The following ABCG5 variants were observed in gnomAD, a reference collection of about 807,000 sequenced individuals.
ABCG5 encodes the protein ATP-binding cassette sub-family G member 5.
In ABCG5, 64 loss-of-function variants were observed where a neutral mutation model predicts 64.5. The observed-to-expected ratio is 0.99, with a 90% CI of 0.81 to 1.22. The LOEUF (loss-of-function observed/expected upper bound fraction) is 1.22. Among genes scored for constraint, ABCG5 ranks in the 50% most tolerant of loss-of-function variants. The pLI is 0.00. For missense variants in ABCG5, 908 were observed against 829.5 expected (o/e 1.09, Z -1.16); for synonymous variants, 385 against 326.3 (o/e 1.18, Z -1.94).
rs2278356 is a variant in ABCG5, at chr2:43,812,736, A to G, written c.*380T>C. On this transcript the variant is annotated 3_prime_UTR_variant, in exon 13 of 13. Transcript: ENST00000405322. The stretch of plus-strand genomic sequence containing the variant: ...ACTTATGGTCAGGAATCCTTGAAAC[A>G]TTTTATTTTTGCCTAATCCTTTATC... 5.1e-6 allele frequency: 1 copy of G among 197,658 alleles called. No homozygotes were observed. Among genetic ancestry groups the G allele is most frequent in the African/African-American group, 2.4e-5 (1 of 42,240 alleles). The allele number at this position is 197,658 out of a possible 1,614,324, so 12.2% of individuals were successfully genotyped here.
In ABCG5 at chr2:43,831,883, G is replaced by A. The variant is rs1331671220; in HGVS notation, c.403-16C>T. The A allele has an allele frequency of 6.4e-7, 1 of 1,560,976 alleles. No individual in the cohort carries two copies. ...GGGTGTCGCTCTGCAGGAGACTCGG[G>A]CGTCAGTGTAGCCTAAGCCCCCGGG... On this transcript the variant is annotated splice_polypyrimidine_tract_variant and intron_variant, in intron 3 of 12. Coordinates refer to ENST00000405322, the MANE Select transcript of ABCG5 (RefSeq NM_022436.3).
chr2:43,838,436 G>C lies in ABCG5; in HGVS notation c.143+101C>G. On this transcript the variant is annotated intron_variant, in intron 1 of 12. Transcript: ENST00000405322. This position sits in a 1 kb window ranked among gnomAD's most constrained non-coding sequence, Gnocchi z 4.2. ...CGATCCACTAAAGAGGGAGCCCGAA[G>C]TGCCCAGACTGGCACTTAAAGAGTG... 1 of 1,195,368 alleles carries C rather than the reference G, an allele frequency of 8.4e-7. No individual in the cohort carries two copies. 74.0% of individuals were successfully genotyped at this position (1,195,368 alleles called of 1,614,324 possible).
In ABCG5 at chr2:43,838,554, A is replaced by G. The variant is rs1195869739; in HGVS notation, c.126T>C (p.His42=). The stretch of plus-strand genomic sequence containing the variant: ...TGCCTTACCTGACGCTGTAGGAGGC[A>G]TGGAGGATGCCCAGGCTGTGAGGCT... ...APEPHSLGIL[H]ASYSVSHRVR... Residue 42 remains histidine, a synonymous_variant, in exon 1 of 13, where the codon CAT becomes CAC. Transcript: ENST00000405322. This position sits in a 1 kb window ranked among gnomAD's most constrained non-coding sequence, Gnocchi z 4.2. The G allele has an allele frequency of 1.9e-6, 3 of 1,606,814 alleles. No individual in the cohort carries two copies. Among genetic ancestry groups the G allele is most frequent in the Non-Finnish European group, 2.5e-6 (3 of 1,177,340 alleles).
At chr2:43,810,603 C>A, downstream of ABCG5, 1 of 833,654 alleles carries the variant, frequency 1.2e-6, no homozygotes, top group Non-Finnish European at 1.4e-6. Context: ...TGACTCCCAG[C>A]TTCAGATAAG....
intron 4 of ABCG5, chr2:43,828,469 CTACA>C: frequency 6.5e-6 from 1 of 153,960 alleles, no homozygotes; most frequent in Non-Finnish European, 1.1e-5. Context: ...GACCCTGTCT[CTACA>C]AAAAAAAAAA....
intron 2 of ABCG5, among the ~76,000 whole-genome samples, chr2:43,836,516 AGT>A: frequency 6.6e-6 from 1 of 152,348 alleles, no homozygotes; most frequent in East Asian, 1.9e-4. Flanking sequence ...ATGGTAATCC[AGT>A]GTAGCAGACA....
upstream of ABCG5, chr2:43,838,853 C>G (rs1044098299): frequency 7.7e-7 from 1 of 1,299,698 alleles, no homozygotes; most frequent in Non-Finnish European, 1.1e-6. The surrounding 1 kb of genome is among the most constrained non-coding windows in gnomAD (Gnocchi z 4.2). Flanking sequence ...GTACCTTTAG[C>G]CAGCGCGTCC....
intron 5 of ABCG5, among the ~76,000 whole-genome samples, chr2:43,827,017 T>C (rs1022550925): frequency 1.3e-5 from 2 of 152,158 alleles, no homozygotes; most frequent in Non-Finnish European, 2.9e-5. Context: ...TAAAGTAACT[T>C]ATTTCTTCCT....
chr2:43,821,385 A>G (rs995104569), intron 10 of ABCG5, among the ~76,000 whole-genome samples: 1 of 152,144 alleles, frequency 6.6e-6, no homozygotes, highest in East Asian at 1.9e-4. Context: ...CTCAATTCCA[A>G]TGGCTCCAGC....
chr2:43,830,527 T>C (rs1166365580), intron 4 of ABCG5, among the ~76,000 whole-genome samples: 1 of 152,232 alleles, frequency 6.6e-6, no homozygotes, highest in African/African-American at 2.4e-5. Context: ...TTGCTTTATT[T>C]CCAGGTTCTT....
At chr2:43,822,570 G>T in intron 10 of ABCG5, 3 of 984,682 alleles carry the variant, frequency 3.0e-6, no homozygotes, top group South Asian at 9.4e-5. Flanking sequence ...TCATTCCCAG[G>T]CACATGTCAT....
At chr2:43,833,585 T>G (rs1210713437) in intron 2 of ABCG5, among the ~76,000 whole-genome samples, 2 of 151,874 alleles carry the variant, frequency 1.3e-5, no homozygotes, top group African/African-American at 4.8e-5. Flanking sequence ...GGGGTTTCAC[T>G]GCATTAGCCA....
downstream of ABCG5, among the ~76,000 whole-genome samples, chr2:43,807,708 T>C (rs369946980): frequency 8.8e-5 from 11 of 125,254 alleles, no homozygotes; most frequent in East Asian, 2.4e-3. Context: ...CATGAGCCAC[T>C]GTGCCCAGCT....
chr2:43,824,746 G>T, intron 7 of ABCG5, 143 bp downstream of exon 7: 1 of 1,447,384 alleles, frequency 6.9e-7, no homozygotes, highest in South Asian at 1.3e-5. Flanking sequence ...TCATTGACCC[G>T]GCCAAATTGA....
intron 11 of ABCG5, among the ~76,000 whole-genome samples, chr2:43,816,835 A>C (rs968420213): frequency 2.0e-5 from 3 of 152,254 alleles, no homozygotes; most frequent in African/African-American, 7.2e-5. Flanking sequence ...ATTTAACTCT[A>C]GGCTCTGATA....
At chr2:43,808,098 C>G (rs1572726180), downstream of ABCG5, among the ~76,000 whole-genome samples, 1 of 152,090 alleles carries the variant, frequency 6.6e-6, no homozygotes, top group African/African-American at 2.4e-5. Flanking sequence ...ACAAAGTTTG[C>G]AGTAAACAAT....
rs1253288579 is a variant in ABCG5 at position 43,828,023 on chromosome 2, C to T, written c.594G>A (p.Arg198=). Residue 198 remains arginine (R), a synonymous_variant, in exon 5 of 13, where the codon CGG becomes CGA. Transcript: ENST00000405322. The stretch of plus-strand genomic sequence containing the variant: ...GCTGGGCTGCGATGGAGACCCGGCG[C>T]CGCTCACCCGTGGAAATGCCCCCCA... The part of the protein sequence containing the change: ...YSLGGISTGE[R]RRVSIAAQLL... The T allele has an allele frequency of 1.9e-6, 3 of 1,614,122 alleles. No homozygotes were observed. The highest frequency in any genetic ancestry group is 1.7e-5 in the Admixed American group (1 of 60,024).
At chr2:43,827,233 G>A (rs1667666974) in intron 5 of ABCG5, among the ~76,000 whole-genome samples, 1 of 151,704 alleles carries the variant, frequency 6.6e-6, no homozygotes, top group African/African-American at 2.4e-5. Flanking sequence ...GCTGAGGCAG[G>A]AGAATCGCTT....
downstream of ABCG5, among the ~76,000 whole-genome samples, chr2:43,809,391 G>A (rs1405556403): frequency 6.6e-6 from 1 of 152,138 alleles, no homozygotes; most frequent in Non-Finnish European, 1.5e-5. Flanking sequence ...AATACTTGAA[G>A]GATGACAGAT....
Sources: gnomAD v4.1 joint callset for allele counts (sites outside exome capture counted in the v4.1 genomes callset) on GRCh38, gnomAD v4.1.1 for gene constraint, Gnocchi (gnomAD v3.1) non-coding constraint, MANE v1.5 for transcripts, NCBI Gene and HGNC (gene_info 2026-07-23, HGNC 2026-07-21) for gene names.